Variants in PEA15 observed in about 807,000 individuals in gnomAD.
PEA15 encodes proliferation and apoptosis adaptor protein 15, also known as astrocytic phosphoprotein PEA-15.
For synonymous variants in PEA15, 60 were observed against 61.8 expected (o/e 0.97, Z 0.13); for missense variants, 77 against 161.3 (o/e 0.48, Z 2.83).
intron 1 of PEA15, among the ~76,000 whole-genome samples, chr1:160,209,685 GTCT>G (rs1265532140): frequency 2.0e-5 from 3 of 152,100 alleles, no homozygotes; most frequent in African/African-American, 7.2e-5. Context: ...CTGGGGCAGG[GTCT>G]TCTTGTCTCC....
At position 160,211,727 on chromosome 1, in the gene PEA15, G is replaced by A. The variant is rs1385828701; in HGVS notation, c.172+11G>A. 5 of 1,610,278 alleles carry A rather than the reference G, an allele frequency of 3.1e-6. No individual in the cohort carries two copies. Among genetic ancestry groups the A allele is most frequent in the Admixed American group, 1.7e-5 (1 of 59,826 alleles). ...ACAAGCTGGACAAAGGTGGGGGAGGGGAGCACAGGGGTCCTGTCATCAGTC... is the reference window on the plus strand; with the variant it reads ...ACAAGCTGGACAAAGGTGGGGGAGGAGAGCACAGGGGTCCTGTCATCAGTC... On this transcript the variant is annotated intron_variant, in intron 2 of 3. Coordinates refer to ENST00000360472, the MANE Select transcript of PEA15 (RefSeq NM_003768.5).
At chr1:160,207,721 G>T (rs747986623) in intron 1 of PEA15, among the ~76,000 whole-genome samples, 11 of 152,148 alleles carry the variant, frequency 7.2e-5, no homozygotes, top group Non-Finnish European at 1.6e-4. Context: ...AAAGCTTAAA[G>T]AAGAAATTAA....
At chr1:160,209,329 C>CT (rs952329210) in intron 1 of PEA15, among the ~76,000 whole-genome samples, 1 of 152,188 alleles carries the variant, frequency 6.6e-6, no homozygotes, top group African/African-American at 2.4e-5. Flanking sequence ...TCCTCTGCCA[C>CT]TTTAACATTC....
Position 160,214,221 on chromosome 1 carries a change from C to T in PEA15, c.*735C>T, listed in dbSNP as rs1410785854. 2 of 152,810 alleles carry T rather than the reference C, an allele frequency of 1.3e-5. No homozygotes were observed. The highest frequency in any genetic ancestry group is 2.9e-5 in the Non-Finnish European group (2 of 68,214). 9.5% of individuals were successfully genotyped at this position (152,810 alleles called of 1,614,324 possible). On this transcript the variant is annotated 3_prime_UTR_variant, in exon 4 of 4. Transcript: ENST00000360472. ...AGAGAGAGGGGAGCCCCCTCTTCCACTCAGTTGTTCCTACTCAGACTGTTG... is the reference window on the plus strand; with the variant it reads ...AGAGAGAGGGGAGCCCCCTCTTCCATTCAGTTGTTCCTACTCAGACTGTTG...
intron 1 of PEA15, among the ~76,000 whole-genome samples, chr1:160,210,029 C>A (rs2101695310): frequency 6.6e-6 from 1 of 152,346 alleles, no homozygotes; most frequent in South Asian, 2.1e-4. Flanking sequence ...GCCCTCCTGT[C>A]TGGCTCATTG....
intron 1 of PEA15, chr1:160,211,198 CG>C (rs1402213885): frequency 1.5e-6 from 1 of 677,216 alleles, no homozygotes; most frequent in African/African-American, 1.9e-5. Context: ...TTGGAGAGAG[CG>C]GGTGAGAAAG....
chr1:160,205,420 AGCG>A lies in PEA15; in HGVS notation c.-88_-86del, dbSNP rs17551437. On this transcript the variant is annotated 5_prime_UTR_variant, in exon 1 of 4. Coordinates refer to ENST00000360472, the MANE Select transcript of PEA15 (RefSeq NM_003768.5). This position sits in a 1 kb window ranked among gnomAD's most constrained non-coding sequence, Gnocchi z 5.9. ...CGGAAGAGGCGGCGGCGGCGGCAGAAGCGGCGGCGGCGGCGGCGGGAGCCGAGG... is the reference window on the plus strand; with the variant it reads ...CGGAAGAGGCGGCGGCGGCGGCAGAAGCGGCGGCGGCGGCGGGAGCCGAGG... 1.1e-3 allele frequency: 199 copies of A among 181,712 alleles called. No homozygotes were observed. Among genetic ancestry groups the A allele is most frequent in the Middle Eastern group, 2.3e-3 (1 of 432 alleles). 11.3% of individuals were successfully genotyped at this position (181,712 alleles called of 1,614,324 possible).
Position 160,214,400 on chromosome 1 carries a change from G to A in PEA15, c.*914G>A, listed in dbSNP as rs1655017434. The A allele has an allele frequency of 1.3e-5, 2 of 152,646 alleles. No individual in the cohort carries two copies. The highest frequency in any genetic ancestry group is 4.1e-4 in the South Asian group (2 of 4,834). 9.5% of individuals were successfully genotyped at this position (152,646 alleles called of 1,614,324 possible). On this transcript the variant is annotated 3_prime_UTR_variant, in exon 4 of 4. Coordinates refer to ENST00000360472, the MANE Select transcript of PEA15 (RefSeq NM_003768.5). ...CCAAGCCAGAAAGAAGTTAACTACAGTGTTTTCCTTTGCACCGATCCCCAC... is the reference window on the plus strand; with the variant it reads ...CCAAGCCAGAAAGAAGTTAACTACAATGTTTTCCTTTGCACCGATCCCCAC...
intron 1 of PEA15, among the ~76,000 whole-genome samples, chr1:160,207,847 C>G (rs1464418528): frequency 1.3e-5 from 2 of 152,198 alleles, no homozygotes; most frequent in Non-Finnish European, 2.9e-5. Flanking sequence ...CTCTGCCTCT[C>G]CGTGATTACT....
Position 160,211,658 on chromosome 1 carries a change from G to C in PEA15, c.114G>C (p.Glu38Asp). Reference protein sequence around the residue: ...KEDIPSEKSEEITTGSAWFSF... With the variant: ...KEDIPSEKSEDITTGSAWFSF... ...ACATCCCCAGCGAAAAGAGTGAGGA[G>C]ATCACTACTGGCAGTGCCTGGTTTA... The change falls in exon 2 of 4, where the codon GAG (glutamate) becomes GAC (aspartate). Residue 38 changes from glutamate to aspartate, a missense_variant. Physicochemically the swap from Glu to Asp is conservative, Grantham distance 45. Coordinates refer to ENST00000360472, the MANE Select transcript of PEA15 (RefSeq NM_003768.5). 1 of 1,614,066 alleles carries C rather than the reference G, an allele frequency of 6.2e-7. No homozygotes were observed. Among genetic ancestry groups the C allele is most frequent in the Non-Finnish European group, 8.5e-7 (1 of 1,179,970 alleles).
chr1:160,213,354 G>C lies in PEA15; in HGVS notation c.329-68G>C. On this transcript the variant is annotated intron_variant, in intron 3 of 3. Coordinates refer to ENST00000360472, the MANE Select transcript of PEA15 (RefSeq NM_003768.5). The surrounding 1 kb of genome is among the most constrained non-coding windows in gnomAD (Gnocchi z 5.3). ...CTTGAGTTTTGGGAGAGTGGAGGCA[G>C]ATGCCCAATGGGCCTGCCTGGCATC... The C allele has an allele frequency of 6.2e-7, 1 of 1,610,940 alleles. No individual in the cohort carries two copies. The highest frequency in any genetic ancestry group is 1.7e-5 in the Admixed American group (1 of 60,022).
At chr1:160,209,171 C>T (rs146806316) in intron 1 of PEA15, among the ~76,000 whole-genome samples, 10 of 152,228 alleles carry the variant, frequency 6.6e-5, no homozygotes, top group South Asian at 4.1e-4. Context: ...AGCCAGTGCA[C>T]CCACAGCCAT....
rs1182725449 is a variant in PEA15, at chr1:160,211,722, G to T, written c.172+6G>T. 6.2e-7 allele frequency: 1 copy of T among 1,612,002 alleles called. No individual in the cohort carries two copies. Among genetic ancestry groups the T allele is most frequent in the Non-Finnish European group, 8.5e-7 (1 of 1,178,612 alleles). ...CCACAACAAGCTGGACAAAGGTGGGGGAGGGGAGCACAGGGGTCCTGTCAT... is the reference window on the plus strand; with the variant it reads ...CCACAACAAGCTGGACAAAGGTGGGTGAGGGGAGCACAGGGGTCCTGTCAT... On this transcript the variant is annotated splice_donor_region_variant and intron_variant, in intron 2 of 3. Transcript: ENST00000360472.
chr1:160,210,711 C>T (rs547145582), intron 1 of PEA15, among the ~76,000 whole-genome samples: 1 of 152,340 alleles, frequency 6.6e-6, no homozygotes, highest in South Asian at 2.1e-4. Flanking sequence ...TCCCCTCCCC[C>T]CACCACCCAG....
chr1:160,213,201 G>A lies in PEA15; in HGVS notation c.264G>A (p.Lys88=), dbSNP rs17852096. 6.2e-7 allele frequency: 1 copy of A among 1,614,218 alleles called. No individual in the cohort carries two copies. The highest frequency in any genetic ancestry group is 2.2e-5 in the East Asian group (1 of 44,890). ...TTGACTACAGAACCCGTGTGCTGAA[G>A]ATCTCTGAGGAGGATGAGCTGGACA... is the stretch of plus-strand genomic sequence containing the variant. ...MVVDYRTRVL[K]ISEEDELDTK... is the part of the protein sequence containing the mutation. The change falls in exon 3 of 4, where the codon AAG becomes AAA. Residue 88 remains lysine, a synonymous_variant. Transcript: ENST00000360472. This position sits in a 1 kb window ranked among gnomAD's most constrained non-coding sequence, Gnocchi z 5.3.
In PEA15 at chr1:160,213,746, TG is replaced by T; in HGVS notation, c.*265del. 2 of 478,574 alleles carry T rather than the reference TG, an allele frequency of 4.2e-6. No individual in the cohort carries two copies. The highest frequency in any genetic ancestry group is 7.6e-6 in the Non-Finnish European group (2 of 261,670). The allele number at this position is 478,574 out of a possible 1,614,324, so 29.6% of individuals were successfully genotyped here. On this transcript the variant is annotated 3_prime_UTR_variant, in exon 4 of 4. Transcript: ENST00000360472. This position sits in a 1 kb window ranked among gnomAD's most constrained non-coding sequence, Gnocchi z 5.3. Reference sequence around the variant, plus strand: ...TGAGTTTCCCCACTTTAGGAGGAGGTGGGGGCTATTTCTATGCAAATAGAAA... The same window carrying T: ...TGAGTTTCCCCACTTTAGGAGGAGGTGGGGCTATTTCTATGCAAATAGAAA...
intron 2 of PEA15, 133 bp downstream of exon 2, chr1:160,211,849 A>G (rs1557823030): frequency 1.3e-6 from 1 of 763,782 alleles, no homozygotes. Context: ...GAGGTGCTCT[A>G]AGAGTATGGG....
At chr1:160,209,200 T>TA (rs1044269781) in intron 1 of PEA15, among the ~76,000 whole-genome samples, 3 of 152,094 alleles carry the variant, frequency 2.0e-5, no homozygotes, top group Non-Finnish European at 4.4e-5. Flanking sequence ...TGCTGGCACA[T>TA]ACACCTCCAT....
At chr1:160,206,781 T>C (rs1350499414) in intron 1 of PEA15, among the ~76,000 whole-genome samples, 1 of 150,112 alleles carries the variant, frequency 6.7e-6, no homozygotes, top group Non-Finnish European at 1.5e-5. Flanking sequence ...AGGATGAAGG[T>C]TGGGGGAGAC....
Sources: gnomAD v4.1 joint callset for allele counts (sites outside exome capture counted in the v4.1 genomes callset) on GRCh38, gnomAD v4.1.1 for gene constraint, Gnocchi (gnomAD v3.1) non-coding constraint, MANE v1.5 for transcripts, NCBI Gene and HGNC (gene_info 2026-07-23, HGNC 2026-07-21) for gene names.